PLEKHA7: variants seen among roughly 807,000 people sequenced by gnomAD.
The protein encoded by PLEKHA7 is pleckstrin homology domain-containing family A member 7.
A neutral mutation model predicts 170.0 loss-of-function variants in PLEKHA7; 104 were observed. That is an observed-to-expected ratio of 0.61 (90% CI 0.52 to 0.72). The LOEUF (loss-of-function observed/expected upper bound fraction) is 0.72. Among genes scored for constraint, PLEKHA7 ranks in the 30% least tolerant of loss-of-function variants. The probability of loss-of-function intolerance (pLI) is 0.00; values close to 1 mark genes in which losing one functional copy is unlikely to be tolerated. For synonymous variants in PLEKHA7, 648 were observed against 660.8 expected, an observed-to-expected ratio of 0.98 and a Z score of 0.30; for missense variants, 1,615 against 1,671.7, an observed-to-expected ratio of 0.97 and a Z score of 0.59.
At chr11:16,936,295 G>A (rs528966326) in intron 3 of PLEKHA7, among the ~76,000 whole-genome samples, 106 of 151,206 alleles carry the variant, frequency 7.0e-4, no homozygotes, top group African/African-American at 2.1e-3. Context: ...CCAGCTACTC[G>A]GGAGGCTGAG....
intron 4 of PLEKHA7, among the ~76,000 whole-genome samples, chr11:16,864,373 C>A (rs566917231): frequency 1.1e-4 from 17 of 152,194 alleles, no homozygotes; most frequent in African/African-American, 4.1e-4. Flanking sequence ...ACTAGCAATA[C>A]TATTAATATT....
At chr11:16,846,528 G>A (rs1008512611) in intron 8 of PLEKHA7, among the ~76,000 whole-genome samples, 2 of 151,982 alleles carry the variant, frequency 1.3e-5, no homozygotes, top group African/African-American at 4.8e-5. Flanking sequence ...TGGAACTATG[G>A]GTAAAAGTAG....
chr11:16,879,901 C>CG (rs1855583654), intron 3 of PLEKHA7, among the ~76,000 whole-genome samples: 1 of 152,154 alleles, frequency 6.6e-6, no homozygotes, highest in Non-Finnish European at 1.5e-5. Flanking sequence ...TCACCAACAC[C>CG]GCAAGACTGT....
At chr11:16,969,310 T>A (rs562668971) in intron 3 of PLEKHA7, among the ~76,000 whole-genome samples, 1 of 152,254 alleles carries the variant, frequency 6.6e-6, no homozygotes, top group African/African-American at 2.4e-5. Context: ...CCATATGGAA[T>A]CTAACAGAGA....
At chr11:16,784,231 G>A (rs75939305) in intron 24 of PLEKHA7, among the ~76,000 whole-genome samples, 3 of 152,000 alleles carry the variant, frequency 2.0e-5, no homozygotes, top group Non-Finnish European at 4.4e-5. Flanking sequence ...GTTCTGTCTG[G>A]GAAGCTCTTC....
At position 16,845,773 on chromosome 11, in the gene PLEKHA7, G is replaced by C. The variant is rs937986213; in HGVS notation, c.697-4051C>G. 3.3e-5 allele frequency among the ~76,000 whole-genome samples: 5 copies of C among 152,298 alleles called. No homozygotes were observed. The South Asian group carries it at 6.2e-4, about 19-fold the overall frequency. On this transcript the variant is annotated intron_variant, in intron 8 of 26. Transcript: ENST00000531066. ...TTCGAGTCAGCAGAAACAGGTGAGG[G>C]GGGGATGGGTCAGGAGGCTACTACA...
chr11:16,907,324 C>T (rs1273853582), intron 3 of PLEKHA7, among the ~76,000 whole-genome samples: 8 of 142,864 alleles, frequency 5.6e-5, no homozygotes, highest in Middle Eastern at 3.9e-3. Context: ...TCTGCCCGGC[C>T]GCCCCTACTG....
intron 3 of PLEKHA7, among the ~76,000 whole-genome samples, chr11:16,883,758 T>C (rs1159981903): frequency 6.6e-6 from 1 of 152,158 alleles, no homozygotes; most frequent in African/African-American, 2.4e-5. Flanking sequence ...TATTAATATA[T>C]AGCAACACTC....
rs79407278 is a variant in PLEKHA7, at chr11:16,801,195, C to A, written c.2308-120G>T. 1,689 of 841,156 alleles carry A rather than the reference C, an allele frequency of 2.0e-3. 24 individuals are homozygous for A. The African/African-American group carries it at 0.025, about 13-fold the overall frequency. 52.1% of individuals were successfully genotyped at this position (841,156 alleles called of 1,614,324 possible). A position where few individuals can be genotyped will look rare whatever the true frequency, so the allele number is the denominator to read the frequency against. On this transcript the variant is annotated intron_variant, in intron 16 of 26. Coordinates refer to ENST00000531066, the MANE Select transcript of PLEKHA7 (RefSeq NM_001329630.2). ...CAGGGGAAGAGGGAAGGAGACCGGG[C>A]AGGCCTGGTGGGAGAGAGAGAGGAG... is the stretch of plus-strand genomic sequence containing the variant.
intron 3 of PLEKHA7, among the ~76,000 whole-genome samples, chr11:16,999,738 C>T (rs369247103): frequency 6.6e-6 from 1 of 152,202 alleles, no homozygotes; most frequent in Non-Finnish European, 1.5e-5. Flanking sequence ...GACAGGCTAT[C>T]GCATTTCATT....
At chr11:16,947,915 C>CAAAAAAAAAAAAAAAAAA (rs756124686) in intron 3 of PLEKHA7, among the ~76,000 whole-genome samples, 2 of 66,982 alleles carry the variant, frequency 3.0e-5, no homozygotes, top group African/African-American at 5.4e-5. Flanking sequence ...GACTCCGTCT[C>CAAAAAAAAAAAAAAAAAA]AAAAAAAAAA....
At chr11:16,904,940 T>G (rs1857560375) in intron 3 of PLEKHA7, among the ~76,000 whole-genome samples, 1 of 152,216 alleles carries the variant, frequency 6.6e-6, no homozygotes, top group African/African-American at 2.4e-5. Context: ...TGCCATATCA[T>G]GTACACCTAT....
chr11:16,872,288 A>G (rs1296186546), intron 3 of PLEKHA7, among the ~76,000 whole-genome samples: 1 of 152,054 alleles, frequency 6.6e-6, no homozygotes, highest in African/African-American at 2.4e-5. Context: ...TTTAAAATGT[A>G]GAAAGTAAAA....
chr11:17,010,001 C>A, intron 3 of PLEKHA7, among the ~76,000 whole-genome samples: 1 of 152,158 alleles, frequency 6.6e-6, no homozygotes, highest in East Asian at 1.9e-4. Flanking sequence ...ATTTCTTATA[C>A]ATTTTGTCCC....
At chr11:16,980,203 A>T (rs561276141) in intron 3 of PLEKHA7, among the ~76,000 whole-genome samples, 2 of 152,374 alleles carry the variant, frequency 1.3e-5, no homozygotes, top group Admixed American at 6.5e-5. Context: ...GAATCACAAT[A>T]GCAAGAACAG....
chr11:16,877,946 G>A (rs180730175), intron 3 of PLEKHA7, among the ~76,000 whole-genome samples: 96 of 152,298 alleles, frequency 6.3e-4, no homozygotes, highest in African/African-American at 2.2e-3. Context: ...CTCAATTAAT[G>A]TTTGTTGAAC....
Position 16,794,621 on chromosome 11 carries a change from C to T in PLEKHA7, c.2612G>A (p.Ser871Asn), listed in dbSNP as rs866435165. 1 of 1,613,616 alleles carries T rather than the reference C, an allele frequency of 6.2e-7. No individual in the cohort carries two copies. The highest frequency in any genetic ancestry group is 1.7e-4 in the Middle Eastern group (1 of 6,058). Reference protein sequence around the residue: ...KPPPQPSPPTSPVRTPLEVRL... With the variant: ...KPPPQPSPPTNPVRTPLEVRL... ...AACCTCCAGAGGGGTCCGCACAGGG[C>T]TGGTGGGAGGACTGGGCTGTGGGGG... Residue 871 changes from serine (S) to asparagine (N), a missense_variant, in exon 19 of 27, where the codon AGC (serine) becomes AAC (asparagine). Transcript: ENST00000531066.
chr11:17,006,105 T>C (rs892217382), intron 3 of PLEKHA7, among the ~76,000 whole-genome samples: 5 of 151,936 alleles, frequency 3.3e-5, no homozygotes, highest in Non-Finnish European at 5.9e-5. Context: ...GCATGGTGGC[T>C]CATGCCTGTA....
At chr11:16,901,371 TTACTA>T (rs1284550661) in intron 3 of PLEKHA7, among the ~76,000 whole-genome samples, 2 of 152,214 alleles carry the variant, frequency 1.3e-5, no homozygotes, top group Non-Finnish European at 2.9e-5. Flanking sequence ...TTTTTTCACT[TTACTA>T]TAGTGAAGAC....
Sources: gnomAD v4.1 joint callset for allele counts (sites outside exome capture counted in the v4.1 genomes callset) on GRCh38, gnomAD v4.1.1 for gene constraint, MANE v1.5 for transcripts, NCBI Gene and HGNC (gene_info 2026-07-23, HGNC 2026-07-21) for gene names.